Variants in PLEKHA7 observed in about 807,000 individuals in gnomAD.
The protein encoded by PLEKHA7 is pleckstrin homology domain-containing family A member 7.
PLEKHA7 carries 104 observed loss-of-function variants against 170.0 expected under a neutral mutation model. The observed-to-expected ratio is 0.61, with a 90% CI of 0.52 to 0.72. PLEKHA7 has a LOEUF of 0.72. Ranked by LOEUF, PLEKHA7 falls within the 30% of genes least tolerant of loss-of-function variation. PLEKHA7 has a pLI of 0.00. For synonymous variants in PLEKHA7, 648 were observed against 660.8 expected, an observed-to-expected ratio of 0.98 and a Z score of 0.30; for missense variants, 1,615 against 1,671.7, an observed-to-expected ratio of 0.97 and a Z score of 0.59.
At position 16,803,022 on chromosome 11, in the gene PLEKHA7, T is replaced by C. The variant is rs867634455; in HGVS notation, c.2107A>G (p.Arg703Gly). The C allele has an allele frequency of 5.0e-6, 8 of 1,614,144 alleles. No homozygotes were observed. In the African/African-American group the frequency reaches 8.0e-5, roughly 16 times the overall value. The part of the protein sequence containing the change: ...VKLSIFCEQD[R>G]VLQDLEDKIR... The stretch of plus-strand genomic sequence containing the variant: ...TTGTCTTCCAAGTCCTGGAGGACCC[T>C]GTCTTGTTCACAGAAGATGCTCAGT... Residue 703 changes from arginine (R) to glycine (G), a missense_variant, in exon 15 of 27, where the codon AGG becomes GGG. Coordinates refer to ENST00000531066, the MANE Select transcript of PLEKHA7 (RefSeq NM_001329630.2).
At chr11:16,823,543 T>C (rs1033251736) in intron 10 of PLEKHA7, among the ~76,000 whole-genome samples, 2 of 152,148 alleles carry the variant, frequency 1.3e-5, no homozygotes, top group African/African-American at 4.8e-5. Context: ...AGCCTCCTGA[T>C]CATCTCTACC....
chr11:16,929,234 C>G (rs1016147446), intron 3 of PLEKHA7, among the ~76,000 whole-genome samples: 3 of 152,108 alleles, frequency 2.0e-5, no homozygotes, highest in Non-Finnish European at 1.5e-5. Context: ...GAAAGTACAT[C>G]GTCGCTAGGA....
At chr11:16,857,171 A>C (rs766516645) in intron 4 of PLEKHA7, among the ~76,000 whole-genome samples, 4 of 152,232 alleles carry the variant, frequency 2.6e-5, no homozygotes, top group African/African-American at 4.8e-5. Context: ...GACAGAGCCC[A>C]ATATCCTACA....
chr11:16,801,739 T>C lies in PLEKHA7; in HGVS notation c.2236A>G (p.Ile746Val). Residue 746 changes from isoleucine to valine, a missense_variant, in exon 16 of 27, where the codon ATT (isoleucine) becomes GTT (valine). Physicochemically the swap from Ile to Val is conservative, Grantham distance 29 (BLOSUM62 3). Transcript: ENST00000531066. Reference sequence around the variant, plus strand: ...TGCAGCAACTTCTGCTGGTAGGCAATCTTCTCCAAGTGCTGGGGCTGGTCT... The same window carrying C: ...TGCAGCAACTTCTGCTGGTAGGCAACCTTCTCCAAGTGCTGGGGCTGGTCT... ...YRDQPQHLEK[I>V]AYQQKLLQED... 1 of 1,614,086 alleles carries C rather than the reference T, an allele frequency of 6.2e-7. No homozygotes were observed. Among genetic ancestry groups the C allele is most frequent in the Non-Finnish European group, 8.5e-7 (1 of 1,179,996 alleles).
chr11:16,836,279 A>C (rs764838511), intron 9 of PLEKHA7, among the ~76,000 whole-genome samples: 5 of 152,252 alleles, frequency 3.3e-5, no homozygotes, highest in Admixed American at 3.3e-4. Context: ...GAGTCTGAGA[A>C]TATGACTTCT....
intron 13 of PLEKHA7, among the ~76,000 whole-genome samples, chr11:16,810,757 C>T (rs1564941702): frequency 6.6e-6 from 1 of 152,184 alleles, no homozygotes. Flanking sequence ...CTCAGCTCCA[C>T]AAAAACATAA....
intron 8 of PLEKHA7, among the ~76,000 whole-genome samples, chr11:16,848,464 A>G (rs1346501113): frequency 1.3e-5 from 2 of 152,266 alleles, no homozygotes; most frequent in Non-Finnish European, 2.9e-5. Context: ...CAGAATGTTA[A>G]GCATGCAAAA....
chr11:16,828,230 T>C (rs1350955102), intron 9 of PLEKHA7, among the ~76,000 whole-genome samples: 2 of 152,178 alleles, frequency 1.3e-5, no homozygotes, highest in African/African-American at 4.8e-5. Flanking sequence ...TGGGAGGAAA[T>C]TGAATCATGA....
chr11:16,786,120 C>T, intron 24 of PLEKHA7, 109 bp downstream of exon 24: 1 of 1,317,300 alleles, frequency 7.6e-7, no homozygotes, highest in Non-Finnish European at 1.0e-6. Flanking sequence ...CACACTGAAG[C>T]TGAGCCATGT....
At chr11:16,805,431 C>T (rs1289470118) in intron 13 of PLEKHA7, among the ~76,000 whole-genome samples, 1 of 151,612 alleles carries the variant, frequency 6.6e-6, no homozygotes, top group African/African-American at 2.4e-5. Flanking sequence ...CCTTTTTTTT[C>T]TCTCTCTCAG....
chr11:16,906,946 G>A (rs1017352979), intron 3 of PLEKHA7, among the ~76,000 whole-genome samples: 1 of 149,496 alleles, frequency 6.7e-6, no homozygotes, highest in African/African-American at 2.5e-5. Context: ...CGCCCCGTCT[G>A]GGATGTGAGG....
chr11:16,991,114 TC>T (rs900118537), intron 3 of PLEKHA7, among the ~76,000 whole-genome samples: 1 of 152,100 alleles, frequency 6.6e-6, no homozygotes, highest in African/African-American at 2.4e-5. Flanking sequence ...TGGGGAGCCC[TC>T]AGCCGGAGTA....
chr11:16,871,972 C>CTTTTT, intron 3 of PLEKHA7, among the ~76,000 whole-genome samples: 2 of 136,836 alleles, frequency 1.5e-5, no homozygotes, highest in South Asian at 4.8e-4. Flanking sequence ...TAAATGTAGA[C>CTTTTT]TTTTTTTTTT....
At chr11:16,879,621 A>G (rs115615525) in intron 3 of PLEKHA7, among the ~76,000 whole-genome samples, 11 of 152,350 alleles carry the variant, frequency 7.2e-5, no homozygotes, top group African/African-American at 2.6e-4. Context: ...AGGGGCAGTT[A>G]GTAACCGTGT....
At chr11:16,805,243 A>C (rs1848875930) in intron 13 of PLEKHA7, among the ~76,000 whole-genome samples, 1 of 152,218 alleles carries the variant, frequency 6.6e-6, no homozygotes, top group Non-Finnish European at 1.5e-5. Flanking sequence ...ATAACAAGCC[A>C]GAAAATCTAA....
At chr11:16,860,384 G>T (rs1853847482) in intron 4 of PLEKHA7, among the ~76,000 whole-genome samples, 1 of 152,098 alleles carries the variant, frequency 6.6e-6, no homozygotes, top group African/African-American at 2.4e-5. Flanking sequence ...TGGTTAATGG[G>T]AGGCTCTCAA....
chr11:17,014,249 TG>T (rs1865532660), intron 1 of PLEKHA7, 48 bp from the exon 2 acceptor site: 1 of 1,404,912 alleles, frequency 7.1e-7, no homozygotes, highest in Non-Finnish European at 9.2e-7. Flanking sequence ...GCCCGCCGGG[TG>T]CCCGCCCGGC....
intron 3 of PLEKHA7, among the ~76,000 whole-genome samples, chr11:16,897,420 A>G (rs1393730561): frequency 1.3e-5 from 2 of 151,950 alleles, no homozygotes; most frequent in Admixed American, 6.6e-5. Context: ...TAGTGCAGAA[A>G]CCCCAAAGCC....
intron 6 of PLEKHA7, 28 bp from the exon 7 acceptor site, chr11:16,852,383 T>C (rs769862972): frequency 1.2e-6 from 2 of 1,605,042 alleles, no homozygotes. Context: ...CTAGTCAGGG[T>C]AATATCTGAG....
Sources: gnomAD v4.1 joint callset for allele counts (sites outside exome capture counted in the v4.1 genomes callset) on GRCh38, gnomAD v4.1.1 for gene constraint, MANE v1.5 for transcripts, NCBI Gene and HGNC (gene_info 2026-07-23, HGNC 2026-07-21) for gene names.